The following RBFOX1 variants were observed in gnomAD, a reference collection of about 807,000 sequenced individuals.
RBFOX1 encodes RNA binding fox-1 homolog 1.
A neutral mutation model predicts 57.7 loss-of-function variants in RBFOX1; 8 were observed. The observed-to-expected ratio is 0.14, with a 90% CI of 0.08 to 0.25. The LOEUF is 0.25. Among genes scored for constraint, RBFOX1 ranks in the 10% least tolerant of loss-of-function variants. RBFOX1 has a pLI of 1.00. For missense variants in RBFOX1, 611 were observed against 548.5 expected, an observed-to-expected ratio of 1.11 and a Z score of -1.14; for synonymous variants, 326 against 222.4, an observed-to-expected ratio of 1.47 and a Z score of -4.15.
At chr16:6,988,188 A>G (rs554627409) in intron 3 of RBFOX1, among the ~76,000 whole-genome samples, 2 of 152,320 alleles carry the variant, frequency 1.3e-5, no homozygotes, top group Non-Finnish European at 2.9e-5. Flanking sequence ...AAGTGTCCTA[A>G]TGGTAAATCT....
At chr16:5,273,361 C>G (rs1311507132) in intron 1 of RBFOX1, among the ~76,000 whole-genome samples, 1 of 151,950 alleles carries the variant, frequency 6.6e-6, no homozygotes, top group Non-Finnish European at 1.5e-5. Context: ...CTGCTATGTG[C>G]CAGGCATTGG....
At chr16:5,909,649 C>G (rs938301495) in intron 4 of RBFOX1, among the ~76,000 whole-genome samples, 1 of 152,184 alleles carries the variant, frequency 6.6e-6, no homozygotes, top group Admixed American at 6.5e-5. Flanking sequence ...GGCATCTCTA[C>G]CTGAGGTCTG....
chr16:7,678,058 C>T (rs2073843091), intron 14 of RBFOX1, among the ~76,000 whole-genome samples: 1 of 152,300 alleles, frequency 6.6e-6, no homozygotes, highest in South Asian at 2.1e-4. Flanking sequence ...AAACCCCATG[C>T]ATACACTTGT....
intron 4 of RBFOX1, among the ~76,000 whole-genome samples, chr16:5,872,088 G>C (rs977112767): frequency 1.2e-4 from 19 of 152,130 alleles, no homozygotes; most frequent in Non-Finnish European, 2.4e-4. Flanking sequence ...ATAAATTGGG[G>C]GTTGCAGAGC....
chr16:6,660,955 C>T (rs1417001873), intron 3 of RBFOX1, among the ~76,000 whole-genome samples: 1 of 151,460 alleles, frequency 6.6e-6, no homozygotes, highest in Non-Finnish European at 1.5e-5. Flanking sequence ...ACAAATGCAC[C>T]TGCCTGCCAA....
chr16:7,282,258 G>A (rs1238722354), intron 4 of RBFOX1, among the ~76,000 whole-genome samples: 1 of 152,134 alleles, frequency 6.6e-6, no homozygotes, highest in Non-Finnish European at 1.5e-5. Flanking sequence ...ACAGTCAGAG[G>A]AACAAGTAAA....
At position 6,808,160 on chromosome 16, in the gene RBFOX1, ATGTG is replaced by A. The variant is rs373756020; in HGVS notation, c.-16+153526_-16+153529del. ...ATAATATGCATATTATACCTTATAT[ATGTG>A]TGTGTGTGTGTGTGTATATATATAT... On this transcript the variant is annotated intron_variant, in intron 3 of 15. Transcript: ENST00000550418. 5.7e-5 allele frequency among the ~76,000 whole-genome samples: 8 copies of A among 140,120 alleles called. No individual in the cohort carries two copies. The South Asian group carries it at 6.8e-4, about 12-fold the overall frequency. The allele number at this position is 140,120 out of a possible 152,430, so 91.9% of individuals were successfully genotyped here.
intron 1 of RBFOX1, among the ~76,000 whole-genome samples, chr16:5,446,885 C>A (rs2068257384): frequency 6.6e-6 from 1 of 152,080 alleles, no homozygotes; most frequent in Non-Finnish European, 1.5e-5. Context: ...ATCCCAGCTT[C>A]CCTAGGAAGT....
At chr16:6,385,404 G>C (rs761036404) in intron 2 of RBFOX1, among the ~76,000 whole-genome samples, 2 of 152,136 alleles carry the variant, frequency 1.3e-5, no homozygotes, top group Non-Finnish European at 2.9e-5. Flanking sequence ...CTTTTGCCCA[G>C]GCTGGAGTGC....
chr16:7,294,169 C>T (rs1207878281), intron 4 of RBFOX1, among the ~76,000 whole-genome samples: 4 of 152,162 alleles, frequency 2.6e-5, no homozygotes, highest in Middle Eastern at 3.4e-3. Context: ...CAAAGTAGAC[C>T]TTCCCACCCA....
chr16:5,361,492 C>T (rs540688213), intron 1 of RBFOX1, among the ~76,000 whole-genome samples: 3 of 152,292 alleles, frequency 2.0e-5, no homozygotes, highest in Admixed American at 1.3e-4. Flanking sequence ...TGATAAACTA[C>T]TCAGGGTGTG....
At chr16:7,317,233 TC>T (rs2096461340) in intron 4 of RBFOX1, among the ~76,000 whole-genome samples, 1 of 151,994 alleles carries the variant, frequency 6.6e-6, no homozygotes, top group South Asian at 2.1e-4. Context: ...CTGAGATTCA[TC>T]CCCGAAGCTG....
intron 1 of RBFOX1, among the ~76,000 whole-genome samples, chr16:5,419,414 T>G (rs1170398863): frequency 6.6e-6 from 1 of 152,072 alleles, no homozygotes; most frequent in Admixed American, 6.5e-5. Context: ...TTCACATTCT[T>G]CTGCCAGATT....
chr16:5,287,303 C>CA (rs74426331), intron 1 of RBFOX1, among the ~76,000 whole-genome samples: 185 of 143,038 alleles, frequency 1.3e-3, no homozygotes, highest in African/African-American at 3.2e-3. Context: ...GACCCCGTTT[C>CA]AAAAAAAAAA....
chr16:6,283,914 C>T (rs1234778440), intron 1 of RBFOX1, among the ~76,000 whole-genome samples: 1 of 152,090 alleles, frequency 6.6e-6, no homozygotes, highest in Non-Finnish European at 1.5e-5. Flanking sequence ...TGAAGCTGTT[C>T]TTATTTGGAG....
intron 1 of RBFOX1, among the ~76,000 whole-genome samples, chr16:6,286,972 C>T (rs2076968423): frequency 6.6e-6 from 1 of 152,092 alleles, no homozygotes; most frequent in East Asian, 1.9e-4. Flanking sequence ...TTAAAGGAAT[C>T]AATCAAGAGT....
chr16:7,038,836 G>A (rs974175801), intron 3 of RBFOX1, among the ~76,000 whole-genome samples: 1 of 152,158 alleles, frequency 6.6e-6, no homozygotes, highest in Non-Finnish European at 1.5e-5. Context: ...AGGGTGCATG[G>A]CAGAGCAAGT....
At chr16:5,491,028 C>G (rs1442342037) in intron 2 of RBFOX1, among the ~76,000 whole-genome samples, 2 of 152,080 alleles carry the variant, frequency 1.3e-5, no homozygotes, top group Non-Finnish European at 2.9e-5. Flanking sequence ...AGTCATCTCC[C>G]CGATTTGATC....
intron 3 of RBFOX1, among the ~76,000 whole-genome samples, chr16:5,838,998 C>T (rs1234177697): frequency 6.6e-6 from 1 of 152,154 alleles, no homozygotes; most frequent in Non-Finnish European, 1.5e-5. Flanking sequence ...TTTTTGGTTT[C>T]ACAGCTCGCT....
Sources: gnomAD v4.1 joint callset for allele counts (sites outside exome capture counted in the v4.1 genomes callset) on GRCh38, gnomAD v4.1.1 for gene constraint, MANE v1.5 for transcripts, NCBI Gene and HGNC (gene_info 2026-07-23, HGNC 2026-07-21) for gene names.